The following SCAPER variants were observed in gnomAD, a reference collection of about 807,000 sequenced individuals.
The protein encoded by SCAPER is S phase cyclin A-associated protein in the endoplasmic reticulum.
SCAPER carries 98 observed loss-of-function variants against 182.2 expected under a neutral mutation model. The observed-to-expected ratio is 0.54, with a 90% confidence interval of 0.46 to 0.64. The LOEUF is 0.64. Ranked by LOEUF, SCAPER falls within the 30% of genes least tolerant of loss-of-function variation. The pLI is 0.00. For synonymous variants in SCAPER, 605 were observed against 564.6 expected, an observed-to-expected ratio of 1.07 and a Z score of -1.01; for missense variants, 1,432 against 1,690.0, an observed-to-expected ratio of 0.85 and a Z score of 2.68.
In SCAPER at chr15:76,841,861, T is replaced by C. The variant is rs775682050; in HGVS notation, c.266A>G (p.Lys89Arg). The part of the protein sequence containing the change: ...GDKHFDKSPT[K>R]TRHPRKIDLR... ...ATCAATTTTCCGAGGGTGCCTTGTT[T>C]TAGTGGGACTTTTATCAAAGTGTTT... The change falls in exon 5 of 32, where the codon AAA (lysine) becomes AGA (arginine). Residue 89 changes from lysine (K) to arginine (R), a missense_variant. Transcript: ENST00000563290. The C allele has an allele frequency of 2.5e-6, 4 of 1,613,918 alleles. No individual in the cohort carries two copies. In the Admixed American group the frequency reaches 5.0e-5, roughly 20 times the overall value.
intron 4 of SCAPER, among the ~76,000 whole-genome samples, chr15:76,847,224 G>C (rs1389411253): frequency 6.6e-6 from 1 of 152,122 alleles, no homozygotes; most frequent in Non-Finnish European, 1.5e-5. Flanking sequence ...GGGAAGTGGA[G>C]ATAGTTAATG....
intron 20 of SCAPER, among the ~76,000 whole-genome samples, chr15:76,669,928 A>G (rs1168096101): frequency 6.6e-6 from 1 of 152,176 alleles, no homozygotes; most frequent in Non-Finnish European, 1.5e-5. Flanking sequence ...TCTAACAGAA[A>G]CCACTCAGGA....
chr15:76,902,608 T>C (rs1250859402), intron 1 of SCAPER, among the ~76,000 whole-genome samples: 1 of 152,216 alleles, frequency 6.6e-6, no homozygotes, highest in Non-Finnish European at 1.5e-5. Flanking sequence ...AAATGCCAAT[T>C]CCACAATGGA....
chr15:76,805,912 C>CT (rs2066126192), intron 5 of SCAPER, among the ~76,000 whole-genome samples: 1 of 152,008 alleles, frequency 6.6e-6, no homozygotes, highest in Admixed American at 6.6e-5. Context: ...ATCCTTTGCC[C>CT]TTTTTTACTG....
At chr15:76,732,778 T>C (rs1297184673) in intron 16 of SCAPER, among the ~76,000 whole-genome samples, 1 of 152,228 alleles carries the variant, frequency 6.6e-6, no homozygotes, top group Non-Finnish European at 1.5e-5. Flanking sequence ...TTCCATCCTG[T>C]ACACTTGGCT....
chr15:76,722,752 T>A (rs2060330811), intron 17 of SCAPER, among the ~76,000 whole-genome samples: 1 of 152,204 alleles, frequency 6.6e-6, no homozygotes, highest in Non-Finnish European at 1.5e-5. Flanking sequence ...TAGTTTGTAT[T>A]TCTGTGGGAT....
At chr15:76,901,051 T>C (rs2074751951) in intron 1 of SCAPER, among the ~76,000 whole-genome samples, 1 of 152,052 alleles carries the variant, frequency 6.6e-6, no homozygotes, top group African/African-American at 2.4e-5. Context: ...AATTGAAAAA[T>C]ATGTGTATTA....
chr15:76,903,329 ACAAC>A (rs1344353216), intron 1 of SCAPER, among the ~76,000 whole-genome samples: 2 of 152,228 alleles, frequency 1.3e-5, no homozygotes, highest in African/African-American at 2.4e-5. Flanking sequence ...TTTGACCTGA[ACAAC>A]CAAGTGATTA....
intron 22 of SCAPER, among the ~76,000 whole-genome samples, chr15:76,617,711 G>A (rs1022237644): frequency 3.9e-5 from 6 of 152,124 alleles, no homozygotes; most frequent in Admixed American, 3.9e-4. Flanking sequence ...CCATAGACCC[G>A]TGAGGCTAAG....
intron 25 of SCAPER, among the ~76,000 whole-genome samples, chr15:76,467,559 C>T (rs937934121): frequency 1.3e-5 from 2 of 151,696 alleles, no homozygotes; most frequent in Admixed American, 6.6e-5. Flanking sequence ...AAGGTATGAT[C>T]GAATTAAACT....
At chr15:76,535,508 C>A (rs2044066260) in intron 23 of SCAPER, among the ~76,000 whole-genome samples, 1 of 94,244 alleles carries the variant, frequency 1.1e-5, no homozygotes, top group Non-Finnish European at 1.9e-5. Flanking sequence ...GGCGACAGAG[C>A]AAGACTCTGT....
chr15:76,518,900 T>C (rs2042640742), intron 23 of SCAPER, among the ~76,000 whole-genome samples: 1 of 152,246 alleles, frequency 6.6e-6, no homozygotes, highest in South Asian at 2.1e-4. Flanking sequence ...TTGATTTTGC[T>C]AAAGCAAATG....
rs71447123 is a variant in SCAPER at position 76,811,121 on chromosome 15, C to CAAA, written c.394-6491_394-6489dup. On this transcript the variant is annotated intron_variant, in intron 5 of 31. Coordinates refer to ENST00000563290, the MANE Select transcript of SCAPER (RefSeq NM_020843.4). ...CACTTTCAATAATAGATAGAATTTA[C>CAAA]AAAAAAAAAAAAAAAGACAACGAAA... Among the ~76,000 whole-genome samples, 573 of 105,448 alleles carry CAAA rather than the reference C, an allele frequency of 5.4e-3. 3 individuals carry two copies. The highest frequency in any genetic ancestry group is 0.013 in the Admixed American group (128 of 10,076). The allele number at this position is 105,448 out of a possible 152,430, so 69.2% of individuals were successfully genotyped here.
Position 76,480,941 on chromosome 15 carries a change from C to T in SCAPER, c.2955-9606G>A, listed in dbSNP as rs575383679. ...AGAGACGGAGTTTCACCGTGTTAGC[C>T]AGGATGGTCTCGATCTCCTGACCTT... On this transcript the variant is annotated intron_variant, in intron 24 of 31. Coordinates refer to ENST00000563290, the MANE Select transcript of SCAPER (RefSeq NM_020843.4). 1.8e-3 allele frequency among the ~76,000 whole-genome samples: 280 copies of T among 152,216 alleles called. 2 individuals are homozygous for T. Among genetic ancestry groups the T allele is most frequent in the African/African-American group, 6.4e-3 (267 of 41,530 alleles).
rs568460866 is a variant in SCAPER at position 76,687,788 on chromosome 15, G to A, written c.2508+13970C>T. 1.8e-4 allele frequency among the ~76,000 whole-genome samples: 28 copies of A among 152,268 alleles called. No individual in the cohort carries two copies. In the South Asian group the frequency reaches 5.2e-3, roughly 28 times the overall value. ...CATGAACTCATCCTTTTTTATGGCT[G>A]CATAATATTCCATGGTGTGCATATG... is the stretch of plus-strand genomic sequence containing the variant. On this transcript the variant is annotated intron_variant, in intron 20 of 31. Coordinates refer to ENST00000563290, the MANE Select transcript of SCAPER (RefSeq NM_020843.4).
At chr15:76,729,185 C>T (rs1007685573) in intron 16 of SCAPER, among the ~76,000 whole-genome samples, 5 of 151,640 alleles carry the variant, frequency 3.3e-5, no homozygotes, top group Non-Finnish European at 7.4e-5. Context: ...TACTCCTCAG[C>T]TTGTAGACAC....
At position 76,434,211 on chromosome 15, in the gene SCAPER, C is replaced by G; in HGVS notation, c.3178G>C (p.Val1060Leu). 6.2e-7 allele frequency: 1 copy of G among 1,613,934 alleles called. No individual in the cohort carries two copies. The highest frequency in any genetic ancestry group is 8.5e-7 in the Non-Finnish European group (1 of 1,179,876). The change falls in exon 26 of 32, where the codon GTT (valine) becomes CTT (leucine). Residue 1060 changes from valine to leucine, a missense_variant. By Grantham distance (32) the Val-to-Leu change is conservative. Transcript: ENST00000563290. ...TTGLLKVSAV[V>L]LGCLIANRPD... ...CGATTGGCAATCAGGCAGCCCAAAA[C>G]CACAGCACTGACTTTGAGAAGTCCA...
At chr15:76,474,001 A>T (rs910688870) in intron 24 of SCAPER, among the ~76,000 whole-genome samples, 2 of 151,982 alleles carry the variant, frequency 1.3e-5, no homozygotes, top group Non-Finnish European at 2.9e-5. Flanking sequence ...TAGTAGAGAC[A>T]GGTTTCCTCT....
chr15:76,495,428 A>G (rs2040395455), intron 24 of SCAPER, among the ~76,000 whole-genome samples: 1 of 151,738 alleles, frequency 6.6e-6, no homozygotes, highest in South Asian at 2.1e-4. Flanking sequence ...AAATACAAAA[A>G]TTACCCGGGC....
Sources: gnomAD v4.1 joint callset for allele counts (sites outside exome capture counted in the v4.1 genomes callset) on GRCh38, gnomAD v4.1.1 for gene constraint, MANE v1.5 for transcripts, NCBI Gene and HGNC (gene_info 2026-07-23, HGNC 2026-07-21) for gene names.